Variants in CEP85 observed in about 807,000 individuals in gnomAD.
CEP85 encodes centrosomal protein 85, also known as centrosomal protein of 85 kDa.
A neutral mutation model predicts 93.7 loss-of-function variants in CEP85; 58 were observed. The ratio of observed to expected loss-of-function variants is 0.62; its 90% CI spans 0.50 to 0.77. CEP85 has a LOEUF of 0.77. Among genes scored for constraint, CEP85 ranks in the 30% least tolerant of loss-of-function variants. CEP85 has a pLI of 0.00. For missense variants in CEP85, 868 were observed against 922.0 expected (o/e 0.94, Z 0.76); for synonymous variants, 314 against 338.6 (o/e 0.93, Z 0.80).
chr1:26,255,884 T>G lies in CEP85; in HGVS notation c.903+19T>G, dbSNP rs756333400. On this transcript the variant is annotated intron_variant, in intron 4 of 13. Coordinates refer to ENST00000451429, the MANE Select transcript of CEP85 (RefSeq NM_001319944.2). ...AATGCAGGTAGAGGTCTATCTTTCCTTGGATTTTCTAGGTTCTGTACAGTT... is the reference window on the plus strand; with the variant it reads ...AATGCAGGTAGAGGTCTATCTTTCCGTGGATTTTCTAGGTTCTGTACAGTT... 6.4e-7 allele frequency: 1 copy of G among 1,573,508 alleles called. No individual in the cohort carries two copies. Among genetic ancestry groups the G allele is most frequent in the South Asian group, 1.1e-5 (1 of 87,030 alleles).
At chr1:26,262,640 C>T (rs1469667380) in intron 7 of CEP85, among the ~76,000 whole-genome samples, 1 of 152,140 alleles carries the variant, frequency 6.6e-6, no homozygotes, top group Admixed American at 6.5e-5. Flanking sequence ...GTGAGCAGTT[C>T]CCTACTTCTT....
chr1:26,252,428 A>T (rs1275208969), intron 3 of CEP85, among the ~76,000 whole-genome samples: 5 of 151,954 alleles, frequency 3.3e-5, no homozygotes, highest in Non-Finnish European at 5.9e-5. Flanking sequence ...GCTACTTGGG[A>T]GGCTGAGGCA....
At position 26,258,171 on chromosome 1, in the gene CEP85, C is replaced by A; in HGVS notation, c.1066C>A (p.Gln356Lys). The A allele has an allele frequency of 6.2e-7, 1 of 1,614,104 alleles. No individual in the cohort carries two copies. Residue 356 changes from glutamine (Q) to lysine (K), a missense_variant, in exon 6 of 14, where the codon CAG (glutamine) becomes AAG (lysine). Gln to Lys is a moderately conservative substitution (Grantham distance 53). Coordinates refer to ENST00000451429, the MANE Select transcript of CEP85 (RefSeq NM_001319944.2). ...GAGGAAACACATCTCTCAGCTGGAG[C>A]AGAAAGTGCGAGAGAGCGAACTGCA... ...KQRKHISQLE[Q>K]KVRESELQVH... is the part of the protein sequence containing the mutation.
At chr1:26,252,020 G>A (rs1191458137) in intron 3 of CEP85, among the ~76,000 whole-genome samples, 1 of 151,974 alleles carries the variant, frequency 6.6e-6, no homozygotes, top group Admixed American at 6.6e-5. Context: ...ATCACTTGAG[G>A]TTAGGAATTC....
chr1:26,263,214 G>A (rs776726764), intron 7 of CEP85: 53 of 290,332 alleles, frequency 1.8e-4, no homozygotes, highest in Non-Finnish European at 3.0e-4. Flanking sequence ...AATTCACCAA[G>A]AAATACCCAC....
Position 26,271,078 on chromosome 1 carries a change from T to G in CEP85, c.1714T>G (p.Trp572Gly). The change falls in exon 10 of 14, where the codon TGG (tryptophan) becomes GGG (glycine). Residue 572 changes from tryptophan (W) to glycine (G), a missense_variant. Coordinates refer to ENST00000451429, the MANE Select transcript of CEP85 (RefSeq NM_001319944.2). The stretch of plus-strand genomic sequence containing the variant: ...AGGTCCAGAAGTGGAAATGGAGTCC[T>G]GGCAGAAGCGATACGATTCGCTCCA... ...GEGPEVEMES[W>G]QKRYDSLQKI... The G allele has an allele frequency of 6.2e-7, 1 of 1,612,988 alleles. No individual in the cohort carries two copies. Among genetic ancestry groups the G allele is most frequent in the Non-Finnish European group, 8.5e-7 (1 of 1,178,948 alleles).
chr1:26,269,211 A>G (rs946279344), intron 8 of CEP85: 10 of 484,740 alleles, frequency 2.1e-5, no homozygotes, highest in Admixed American at 3.2e-5. Flanking sequence ...ACCCTAGCCA[A>G]TAGGGGAACG....
rs375028607 is a variant in CEP85 at position 26,261,991 on chromosome 1, T to C, written c.1341+2189T>C. On this transcript the variant is annotated intron_variant, in intron 7 of 13. Coordinates refer to ENST00000451429, the MANE Select transcript of CEP85 (RefSeq NM_001319944.2). ...TTCGAGACCAGTCTGGCCAACATGG[T>C]GAAACCCTCTCTGTACTAAAAAAAA... 1.1e-3 allele frequency among the ~76,000 whole-genome samples: 168 copies of C among 151,746 alleles called. 1 individual carries two copies. Among genetic ancestry groups the C allele is most frequent in the African/African-American group, 3.9e-3 (163 of 41,352 alleles).
chr1:26,255,048 C>A, intron 3 of CEP85, 123 bp from the exon 4 acceptor site: 2 of 780,472 alleles, frequency 2.6e-6, no homozygotes, highest in Non-Finnish European at 4.2e-6. Flanking sequence ...CTGCCTGATA[C>A]TTTTGATGAT....
chr1:26,239,153 A>T (rs1379656540), intron 1 of CEP85, among the ~76,000 whole-genome samples: 5 of 152,182 alleles, frequency 3.3e-5, no homozygotes, highest in African/African-American at 1.2e-4. Context: ...ATTTTATAAA[A>T]ATCAGAAGGG....
chr1:26,251,639 C>G (rs1047503225), intron 3 of CEP85, among the ~76,000 whole-genome samples: 11 of 152,182 alleles, frequency 7.2e-5, no homozygotes, highest in Non-Finnish European at 1.0e-4. Context: ...ATGACCCAGT[C>G]ACCTCTTAGA....
chr1:26,246,747 A>C (rs1440113040), intron 3 of CEP85, among the ~76,000 whole-genome samples: 2 of 151,768 alleles, frequency 1.3e-5, no homozygotes, highest in African/African-American at 4.8e-5. Context: ...AAAAAAAATT[A>C]TATACTAAGA....
At chr1:26,272,376 G>C in intron 11 of CEP85, 1 of 368,610 alleles carries the variant, frequency 2.7e-6, no homozygotes, top group Non-Finnish European at 5.0e-6. Context: ...GAGTTAGCCA[G>C]GCAAACAAGA....
In CEP85 at chr1:26,259,635, A is replaced by G; in HGVS notation, c.1174A>G (p.Thr392Ala). The change falls in exon 7 of 14, where the codon ACT becomes GCT. Residue 392 changes from threonine to alanine, a missense_variant. Physicochemically the swap from Thr to Ala is moderately conservative, Grantham distance 58. Transcript: ENST00000451429. ...CTGGCAGGAATTGCAGCGAGAAAAC[A>G]CTTTCTTACGTGCACAGTTTGCACA... ...LRLQELQREN[T>A]FLRAQFAQKT... 1 of 1,608,206 alleles carries G rather than the reference A, an allele frequency of 6.2e-7. No individual in the cohort carries two copies. Among genetic ancestry groups the G allele is most frequent in the Non-Finnish European group, 8.5e-7 (1 of 1,177,472 alleles).
chr1:26,276,689 C>G lies in CEP85; in HGVS notation c.2057C>G (p.Ala686Gly). 5.6e-6 allele frequency: 9 copies of G among 1,614,198 alleles called. No individual in the cohort carries two copies. The highest frequency in any genetic ancestry group is 5.1e-6 in the Non-Finnish European group (6 of 1,180,028). ...GCCAGTTGCCTTCAAGATCTGCAGGCTGTCTGTAGCATTGTGACCCAGAGG... is the reference window on the plus strand; with the variant it reads ...GCCAGTTGCCTTCAAGATCTGCAGGGTGTCTGTAGCATTGTGACCCAGAGG... ...ELASCLQDLQ[A>G]VCSIVTQRAQ... Residue 686 changes from alanine to glycine, a missense_variant, in exon 13 of 14, where the codon GCT (alanine) becomes GGT (glycine). Transcript: ENST00000451429.
At chr1:26,260,371 ATCTCAGCTACTTGGGAGGCTG>A (rs1159579245) in intron 7 of CEP85, among the ~76,000 whole-genome samples, 3 of 152,226 alleles carry the variant, frequency 2.0e-5, no homozygotes, top group Admixed American at 2.0e-4. Flanking sequence ...GGCGCCTGTA[ATCTCAGCTACTTGGGAGGCTG>A]AAGCAGGAGA....
At chr1:26,256,965 C>G (rs368651849) in intron 4 of CEP85, among the ~76,000 whole-genome samples, 4 of 34,478 alleles carry the variant, frequency 1.2e-4, no homozygotes, top group African/African-American at 4.4e-4. Context: ...GTTTTGGAGA[C>G]AGAGTCTTGC....
At chr1:26,238,031 T>A (rs2089354051) in intron 1 of CEP85, among the ~76,000 whole-genome samples, 1 of 151,652 alleles carries the variant, frequency 6.6e-6, no homozygotes, top group Admixed American at 6.6e-5. Context: ...CTATTGTAGA[T>A]GCAGTGAATT....
chr1:26,276,481 T>C (rs2090053793), intron 12 of CEP85, 54 bp from the exon 13 acceptor site: 3 of 1,399,232 alleles, frequency 2.1e-6, no homozygotes, highest in Non-Finnish European at 2.0e-6. Flanking sequence ...CATGCACAGA[T>C]ACTCTTCCTC....
Sources: allele counts gnomAD v4.1 joint callset (sites outside exome capture counted in the v4.1 genomes callset), GRCh38; gene constraint gnomAD v4.1.1; transcripts MANE v1.5; gene names NCBI Gene and HGNC (gene_info 2026-07-23, HGNC 2026-07-21).